PELI2: variants seen among roughly 807,000 people sequenced by gnomAD.
PELI2 encodes E3 ubiquitin-protein ligase pellino homolog 2.
Under a neutral mutation model 42.3 loss-of-function variants are expected in PELI2, and 23 were observed. The ratio of observed to expected loss-of-function variants is 0.54; its 90% CI spans 0.39 to 0.77. PELI2 has a LOEUF of 0.77. Ranked by LOEUF, PELI2 falls within the 30% of genes least tolerant of loss-of-function variation. The pLI, the probability that PELI2 is intolerant of heterozygous loss-of-function variation, is 0.00. For missense variants in PELI2, 463 were observed against 553.2 expected (o/e 0.84, Z 1.64); for synonymous variants, 245 against 212.2 (o/e 1.15, Z -1.34).
chr14:56,175,120 C>T (rs1199813001), intron 1 of PELI2, among the ~76,000 whole-genome samples: 1 of 152,088 alleles, frequency 6.6e-6, no homozygotes, highest in Non-Finnish European at 1.5e-5. Context: ...CTCAGCCGCC[C>T]GAGTAGCCGT....
At chr14:56,131,275 A>C (rs1170879342) in intron 1 of PELI2, among the ~76,000 whole-genome samples, 1 of 152,206 alleles carries the variant, frequency 6.6e-6, no homozygotes, top group Non-Finnish European at 1.5e-5. Context: ...AACTCAGTTG[A>C]TTTAGACCCT....
At chr14:56,286,164 A>G (rs866821169) in intron 3 of PELI2, among the ~76,000 whole-genome samples, 1 of 152,240 alleles carries the variant, frequency 6.6e-6, no homozygotes, top group Non-Finnish European at 1.5e-5. Context: ...GGCATGATCC[A>G]GTATAAAAGG....
intron 3 of PELI2, among the ~76,000 whole-genome samples, chr14:56,281,495 A>G (rs1418679675): frequency 1.3e-5 from 2 of 152,146 alleles, no homozygotes; most frequent in African/African-American, 2.4e-5. Flanking sequence ...GTAACATTGT[A>G]AAGTACAGGC....
At chr14:56,268,228 C>G (rs1444183046) in intron 2 of PELI2, among the ~76,000 whole-genome samples, 1 of 152,190 alleles carries the variant, frequency 6.6e-6, no homozygotes, top group Non-Finnish European at 1.5e-5. Context: ...GCTTTTTCAA[C>G]TTAGTCATTC....
chr14:56,260,595 C>T (rs1293433010), intron 2 of PELI2, among the ~76,000 whole-genome samples: 2 of 152,166 alleles, frequency 1.3e-5, no homozygotes, highest in African/African-American at 4.8e-5. Context: ...AAATTGTACA[C>T]TTAAAACTGG....
intron 2 of PELI2, among the ~76,000 whole-genome samples, chr14:56,229,858 A>G (rs1443455142): frequency 1.3e-5 from 2 of 152,208 alleles, no homozygotes; most frequent in African/African-American, 4.8e-5. Context: ...TTGAAAAAAG[A>G]TTGGACAAAT....
intron 1 of PELI2, among the ~76,000 whole-genome samples, chr14:56,145,176 C>T (rs1206864398): frequency 6.6e-6 from 1 of 152,150 alleles, no homozygotes; most frequent in African/African-American, 2.4e-5. Flanking sequence ...AAAAGGCAGG[C>T]ACATCTTCAC....
intron 2 of PELI2, among the ~76,000 whole-genome samples, chr14:56,183,807 CT>C (rs1239736579): frequency 6.6e-5 from 10 of 152,234 alleles, no homozygotes; most frequent in Admixed American, 1.3e-4. Context: ...ATTAGTCATA[CT>C]CAAGAAAAAT....
At chr14:56,144,602 A>G (rs1026787400) in intron 1 of PELI2, among the ~76,000 whole-genome samples, 3 of 152,264 alleles carry the variant, frequency 2.0e-5, no homozygotes, top group African/African-American at 7.2e-5. Flanking sequence ...GAATTGACAC[A>G]TAAAACTGGC....
intron 2 of PELI2, among the ~76,000 whole-genome samples, chr14:56,191,491 ACTG>A (rs1482872085): frequency 2.0e-5 from 3 of 152,226 alleles, no homozygotes; most frequent in Non-Finnish European, 4.4e-5. Context: ...GGCCACAAAG[ACTG>A]TAACTGCTGT....
chr14:56,257,040 G>A (rs1434567886), intron 2 of PELI2, among the ~76,000 whole-genome samples: 3 of 152,124 alleles, frequency 2.0e-5, no homozygotes, highest in Non-Finnish European at 2.9e-5. Context: ...TATTCTTAAT[G>A]TTTGCCTGCT....
chr14:56,155,581 C>G (rs939187122), intron 1 of PELI2, among the ~76,000 whole-genome samples: 1 of 127,974 alleles, frequency 7.8e-6, no homozygotes, highest in African/African-American at 3.3e-5. Flanking sequence ...TCAAGTAATA[C>G]ATTTTTTTTT....
At chr14:56,281,429 G>C (rs187572860) in intron 3 of PELI2, among the ~76,000 whole-genome samples, 186 of 152,160 alleles carry the variant, frequency 1.2e-3, no homozygotes, top group African/African-American at 4.3e-3. Flanking sequence ...CATAAACATA[G>C]GTATGGAAGA....
At chr14:56,224,687 G>T (rs1292103356) in intron 2 of PELI2, among the ~76,000 whole-genome samples, 1 of 152,058 alleles carries the variant, frequency 6.6e-6, no homozygotes, top group African/African-American at 2.4e-5. Context: ...TATTTTTTGT[G>T]TAATAGTTTG....
At chr14:56,275,530 G>A (rs962858695) in intron 2 of PELI2, among the ~76,000 whole-genome samples, 1 of 152,086 alleles carries the variant, frequency 6.6e-6, no homozygotes, top group Non-Finnish European at 1.5e-5. Context: ...AGATCATCAG[G>A]CATTAGATTC....
At chr14:56,238,654 G>A (rs1038689067) in intron 2 of PELI2, among the ~76,000 whole-genome samples, 4 of 152,112 alleles carry the variant, frequency 2.6e-5, no homozygotes, top group African/African-American at 4.8e-5. Flanking sequence ...TTGTAATAAG[G>A]TTTGTTCTAA....
At position 56,179,033 on chromosome 14, in the gene PELI2, A is replaced by G. The variant is rs577277239; in HGVS notation, c.207+569A>G. Among the ~76,000 whole-genome samples the G allele has an allele frequency of 1.5e-3, 224 of 152,294 alleles. 2 individuals carry two copies. The highest frequency in any genetic ancestry group is 2.8e-4 in the Non-Finnish European group (19 of 68,012). ...AAGTGATAAAAGAGGCCGACTATACATATTTTTTTCTCATAATTTTGAAGT... is the reference window on the plus strand; with the variant it reads ...AAGTGATAAAAGAGGCCGACTATACGTATTTTTTTCTCATAATTTTGAAGT... On this transcript the variant is annotated intron_variant, in intron 2 of 5. Transcript: ENST00000267460.
intron 2 of PELI2, among the ~76,000 whole-genome samples, chr14:56,254,530 T>TA (rs149334960): frequency 0.048 from 7,325 of 151,666 alleles, 305 homozygotes; most frequent in East Asian, 0.23. Flanking sequence ...CCTAAAACCA[T>TA]AAAAACCCTA....
At chr14:56,158,376 G>A (rs991813439) in intron 1 of PELI2, among the ~76,000 whole-genome samples, 5 of 147,614 alleles carry the variant, frequency 3.4e-5, no homozygotes, top group Non-Finnish European at 6.0e-5. Flanking sequence ...GGGTCTCACT[G>A]TGTCACCTAG....
Sources: gnomAD v4.1 joint callset for allele counts (sites outside exome capture counted in the v4.1 genomes callset) on GRCh38, gnomAD v4.1.1 for gene constraint, MANE v1.5 for transcripts, NCBI Gene and HGNC (gene_info 2026-07-23, HGNC 2026-07-21) for gene names.